RAB31: variants seen among roughly 807,000 people sequenced by gnomAD.
RAB31 encodes the protein RAB31, member RAS oncogene family, also known as ras-related protein Rab-31.
In RAB31, 21 loss-of-function variants were observed where a neutral mutation model predicts 25.6. The observed-to-expected ratio is 0.82, with a 90% CI of 0.58 to 1.18. The LOEUF (loss-of-function observed/expected upper bound fraction) is 1.18. Ranked by LOEUF, RAB31 falls within the 50% of genes most tolerant of loss-of-function variation. The pLI is 0.00. For missense variants in RAB31, 196 were observed against 250.1 expected (o/e 0.78, Z 1.46); for synonymous variants, 87 against 84.0 (o/e 1.04, Z -0.20).
At chr18:9,738,291 G>C (rs779963516) in intron 1 of RAB31, among the ~76,000 whole-genome samples, 6 of 152,150 alleles carry the variant, frequency 3.9e-5, no homozygotes, top group Non-Finnish European at 8.8e-5. Context: ...TGCTCATGAT[G>C]GACTGATAGC....
At chr18:9,727,277 C>T (rs935569053) in intron 1 of RAB31, among the ~76,000 whole-genome samples, 1 of 152,118 alleles carries the variant, frequency 6.6e-6, no homozygotes, top group African/African-American at 2.4e-5. Context: ...CTTCAGAGGC[C>T]TTGTAAAATT....
At chr18:9,797,486 CTG>C (rs2068492829) in intron 3 of RAB31, 1 of 152,222 alleles carries the variant, frequency 6.6e-6, no homozygotes, top group South Asian at 2.1e-4. Flanking sequence ...GAGGTTGAAA[CTG>C]TCGTTATTCC....
intron 1 of RAB31, among the ~76,000 whole-genome samples, chr18:9,714,751 G>A (rs755126659): frequency 2.6e-5 from 4 of 152,182 alleles, no homozygotes; most frequent in Non-Finnish European, 4.4e-5. Flanking sequence ...GGGAGCTGTG[G>A]GTGGCTGCAT....
At chr18:9,731,634 A>C (rs1334562168) in intron 1 of RAB31, among the ~76,000 whole-genome samples, 1 of 126,782 alleles carries the variant, frequency 7.9e-6, no homozygotes, top group Non-Finnish European at 1.6e-5. Context: ...GTCTAGCTCT[A>C]TCACCCTGGC....
chr18:9,773,989 T>C (rs1277491318), intron 1 of RAB31, among the ~76,000 whole-genome samples: 1 of 152,216 alleles, frequency 6.6e-6, no homozygotes, highest in Non-Finnish European at 1.5e-5. Context: ...AGGTTGGTTG[T>C]ATTCTCAACG....
chr18:9,779,018 C>T (rs903871108), intron 2 of RAB31, among the ~76,000 whole-genome samples: 1 of 152,142 alleles, frequency 6.6e-6, no homozygotes, highest in Non-Finnish European at 1.5e-5. Flanking sequence ...TCATTGTCTT[C>T]ACATTGAGTA....
intron 5 of RAB31, among the ~76,000 whole-genome samples, chr18:9,824,512 A>T (rs961425445): frequency 2.6e-5 from 4 of 151,980 alleles, no homozygotes; most frequent in African/African-American, 9.7e-5. Flanking sequence ...TTGGTTGTGT[A>T]AGCTTGTCAA....
chr18:9,783,380 C>A (rs144728687), intron 2 of RAB31, among the ~76,000 whole-genome samples: 16 of 152,246 alleles, frequency 1.1e-4, no homozygotes, highest in Admixed American at 7.9e-4. Context: ...GTTCCCCCCC[C>A]TTACCTGCAC....
At chr18:9,811,536 C>G (rs1406644701) in intron 3 of RAB31, among the ~76,000 whole-genome samples, 5 of 152,210 alleles carry the variant, frequency 3.3e-5, no homozygotes, top group Non-Finnish European at 7.3e-5. Flanking sequence ...TCCCTGCTCT[C>G]TCCCCACTGC....
chr18:9,846,988 A>G (rs1355975338), intron 6 of RAB31, among the ~76,000 whole-genome samples: 1 of 152,028 alleles, frequency 6.6e-6, no homozygotes. Flanking sequence ...TCTTACTCTC[A>G]ACAGAATGGT....
intron 5 of RAB31, among the ~76,000 whole-genome samples, chr18:9,843,543 CAAAAAAAAAA>C (rs11291478): frequency 5.8e-5 from 4 of 68,432 alleles, no homozygotes; most frequent in African/African-American, 2.4e-4. Flanking sequence ...AAGACACTGT[CAAAAAAAAAA>C]AAAAAAAAAA....
intron 1 of RAB31, among the ~76,000 whole-genome samples, chr18:9,772,833 G>A (rs2068352019): frequency 6.6e-6 from 1 of 152,100 alleles, no homozygotes; most frequent in African/African-American, 2.4e-5. Context: ...CCAGTTTCTT[G>A]GGGGCTACGT....
At position 9,804,032 on chromosome 18, in the gene RAB31, CGGGA is replaced by C. The variant is rs575207381; in HGVS notation, c.202-9985_202-9982del. Among the ~76,000 whole-genome samples, 185 of 152,282 alleles carry C rather than the reference CGGGA, an allele frequency of 1.2e-3. 1 individual carries two copies. The highest frequency in any genetic ancestry group is 4.2e-3 in the African/African-American group (176 of 41,556). On this transcript the variant is annotated intron_variant, in intron 3 of 6. Coordinates refer to ENST00000578921, the MANE Select transcript of RAB31 (RefSeq NM_006868.4). Reference sequence around the variant, plus strand: ...ACTGTAAACAGCTCTGCCCTGAGCCCGGGAGGTGGCCATGCTGGCAGTGAGGGAT... The same window carrying C: ...ACTGTAAACAGCTCTGCCCTGAGCCCGGTGGCCATGCTGGCAGTGAGGGAT...
At chr18:9,789,088 A>C (rs2068447407) in intron 2 of RAB31, among the ~76,000 whole-genome samples, 1 of 152,264 alleles carries the variant, frequency 6.6e-6, no homozygotes. Context: ...GGCAACATGG[A>C]TGAACCTGGA....
intron 5 of RAB31, among the ~76,000 whole-genome samples, chr18:9,822,915 T>A (rs1015238027): frequency 1.3e-5 from 2 of 152,174 alleles, no homozygotes; most frequent in African/African-American, 2.4e-5. Flanking sequence ...TCACGGGCAT[T>A]TATCCTGGAG....
At position 9,775,370 on chromosome 18, in the gene RAB31, A is replaced by T; in HGVS notation, c.119+13A>T. The T allele has an allele frequency of 6.2e-7, 1 of 1,613,638 alleles. No individual in the cohort carries two copies. The highest frequency in any genetic ancestry group is 8.5e-7 in the Non-Finnish European group (1 of 1,179,660). On this transcript the variant is annotated intron_variant, in intron 2 of 6. Coordinates refer to ENST00000578921, the MANE Select transcript of RAB31 (RefSeq NM_006868.4). ...GCCCTACTATTGGGTAAGTTCCTGTATGTCATTCTCCTTCGCGTTGCTTCC... is the reference window on the plus strand; with the variant it reads ...GCCCTACTATTGGGTAAGTTCCTGTTTGTCATTCTCCTTCGCGTTGCTTCC...
intron 1 of RAB31, among the ~76,000 whole-genome samples, chr18:9,731,515 G>A (rs1004106709): frequency 5.3e-5 from 8 of 152,006 alleles, no homozygotes; most frequent in African/African-American, 1.9e-4. Context: ...CTGTATGGGA[G>A]GGAATCTGCC....
chr18:9,831,897 C>G (rs1217851181), intron 5 of RAB31, among the ~76,000 whole-genome samples: 1 of 152,180 alleles, frequency 6.6e-6, no homozygotes, highest in African/African-American at 2.4e-5. Flanking sequence ...TTCTGAGTGG[C>G]CAGTTGTGGC....
intron 5 of RAB31, among the ~76,000 whole-genome samples, chr18:9,832,541 A>C (rs2068684283): frequency 6.6e-6 from 1 of 152,224 alleles, no homozygotes; most frequent in African/African-American, 2.4e-5. Context: ...AAGGAGGAGA[A>C]GAAGGAAAGG....
Sources: allele counts gnomAD v4.1 joint callset (sites outside exome capture counted in the v4.1 genomes callset), GRCh38; gene constraint gnomAD v4.1.1; transcripts MANE v1.5; gene names NCBI Gene and HGNC (gene_info 2026-07-23, HGNC 2026-07-21).